LRRFIP1: variants seen among roughly 807,000 people sequenced by gnomAD.
LRRFIP1 encodes leucine-rich repeat flightless-interacting protein 1.
In LRRFIP1, 62 loss-of-function variants were observed where a neutral mutation model predicts 104.4. The ratio of observed to expected loss-of-function variants is 0.59; its 90% confidence interval spans 0.48 to 0.73. LRRFIP1 has a LOEUF of 0.73. LRRFIP1 is among the 30% of genes least tolerant of loss of function. LRRFIP1 has a pLI of 0.00. For synonymous variants in LRRFIP1, 300 were observed against 299.0 expected (o/e 1.00, Z -0.03); for missense variants, 796 against 824.5 (o/e 0.97, Z 0.42).
intron 1 of LRRFIP1, among the ~76,000 whole-genome samples, chr2:237,680,038 G>C (rs2091633299): frequency 6.6e-6 from 1 of 152,188 alleles, no homozygotes; most frequent in Non-Finnish European, 1.5e-5. Context: ...AAAATGCAGA[G>C]AGCAATACCT....
rs542201420 is a variant in LRRFIP1 at position 237,677,125 on chromosome 2, A to G, written c.97-31419A>G. The stretch of plus-strand genomic sequence containing the variant: ...ATACTCACCCTCTTGTGCAGCCAGC[A>G]CCACCAGCCATCCCCAGAACTTCTT... On this transcript the variant is annotated intron_variant, in intron 1 of 23. Transcript: ENST00000308482. Among the ~76,000 whole-genome samples, 72 of 152,360 alleles carry G rather than the reference A, an allele frequency of 4.7e-4. 1 individual carries two copies. The South Asian group carries it at 0.015, about 31-fold the overall frequency.
intron 1 of LRRFIP1, among the ~76,000 whole-genome samples, chr2:237,660,178 G>A (rs967248960): frequency 1.3e-5 from 2 of 152,280 alleles, no homozygotes; most frequent in African/African-American, 4.8e-5. Context: ...AATGATACGC[G>A]AGAAGGCAAA....
In LRRFIP1 at chr2:237,735,387, G is replaced by T; in HGVS notation, c.555+54G>T. 6.4e-7 allele frequency: 1 copy of T among 1,556,236 alleles called. No individual in the cohort carries two copies. On this transcript the variant is annotated intron_variant, in intron 10 of 23. Transcript: ENST00000308482. The surrounding 1 kb of genome is among the most constrained non-coding windows in gnomAD (Gnocchi z 4.6). ...CCCCCGTGCCTGCTGCATGGCCTGG[G>T]GATGCTCGCTGGGCAGGGTCCAGCC...
At chr2:237,763,732 T>C (rs2060086801) in intron 19 of LRRFIP1, 1 of 1,614,206 alleles carries the variant, frequency 6.2e-7, no homozygotes, top group Non-Finnish European at 8.5e-7. Flanking sequence ...TACTAGCTGA[T>C]GGAGACACAT....
intron 1 of LRRFIP1, among the ~76,000 whole-genome samples, chr2:237,667,321 C>T (rs948519500): frequency 8.5e-5 from 13 of 152,112 alleles, no homozygotes; most frequent in African/African-American, 2.7e-4. Flanking sequence ...GTTTTCTGTT[C>T]GTGTGTTAGT....
intron 8 of LRRFIP1, among the ~76,000 whole-genome samples, chr2:237,732,134 GT>G (rs1449342438): frequency 6.6e-6 from 1 of 152,102 alleles, no homozygotes; most frequent in East Asian, 1.9e-4. Context: ...CCATCTCCTA[GT>G]TTTGTCAGTT....
At chr2:237,682,287 A>G (rs1301861405) in intron 1 of LRRFIP1, among the ~76,000 whole-genome samples, 1 of 152,130 alleles carries the variant, frequency 6.6e-6, no homozygotes, top group African/African-American at 2.4e-5. Flanking sequence ...GTACTTGTTC[A>G]TGCCAGGCTC....
rs3769094 is a variant in LRRFIP1 at position 237,709,370 on chromosome 2, G to A, written c.183+740G>A. Among the ~76,000 whole-genome samples, 430 of 152,250 alleles carry A rather than the reference G, an allele frequency of 2.8e-3. 9 individuals carry two copies. The East Asian group carries it at 0.046, about 16-fold the overall frequency. On this transcript the variant is annotated intron_variant, in intron 2 of 23. Transcript: ENST00000308482. ...TGGGCCATGCCCTGTGGGGCCAAGGGACCATCCACACTGAGCCCACCCCCA... is the reference window on the plus strand; with the variant it reads ...TGGGCCATGCCCTGTGGGGCCAAGGAACCATCCACACTGAGCCCACCCCCA...
intron 15 of LRRFIP1, among the ~76,000 whole-genome samples, 187 bp downstream of exon 15, chr2:237,753,666 G>A (rs2058902554): frequency 6.6e-6 from 1 of 151,844 alleles, no homozygotes; most frequent in African/African-American, 2.4e-5. Flanking sequence ...GTGGTACATG[G>A]CTGTAGTCCC....
intron 8 of LRRFIP1, among the ~76,000 whole-genome samples, chr2:237,728,204 A>G (rs2094844508): frequency 6.6e-6 from 1 of 152,218 alleles, no homozygotes; most frequent in Non-Finnish European, 1.5e-5. Context: ...AAGATCTGAA[A>G]TTAAAGATTA....
chr2:237,635,867 T>C (rs1253484366), intron 1 of LRRFIP1, among the ~76,000 whole-genome samples: 1 of 151,970 alleles, frequency 6.6e-6, no homozygotes, highest in Non-Finnish European at 1.5e-5. Context: ...GGGAGGGCAG[T>C]GAGTGGATCA....
Position 237,631,522 on chromosome 2 carries a change from G to A in LRRFIP1, c.96+3782G>A, listed in dbSNP as rs75163701. On this transcript the variant is annotated intron_variant, in intron 1 of 23. Coordinates refer to ENST00000308482, the MANE Select transcript of LRRFIP1 (RefSeq NM_001137550.2). ...TCTCTTGTTGCAGTGGAATTCAGGC[G>A]GGATGTTATCAGGAGAAAGGTTTAG... is the stretch of plus-strand genomic sequence containing the variant. 6.0e-3 allele frequency among the ~76,000 whole-genome samples: 920 copies of A among 152,284 alleles called. 5 individuals carry two copies. The highest frequency in any genetic ancestry group is 0.018 in the African/African-American group (759 of 41,556).
chr2:237,638,294 C>T (rs780414212), intron 1 of LRRFIP1, among the ~76,000 whole-genome samples: 6 of 152,152 alleles, frequency 3.9e-5, no homozygotes, highest in Non-Finnish European at 7.3e-5. Context: ...CCCTCATATG[C>T]GCAGTTCACA....
chr2:237,659,065 G>A (rs2087358558), intron 1 of LRRFIP1, among the ~76,000 whole-genome samples: 1 of 149,930 alleles, frequency 6.7e-6, no homozygotes, highest in African/African-American at 2.5e-5. Flanking sequence ...TTTCAAACCA[G>A]TGGGAAAAGA....
At chr2:237,756,562 G>C (rs1259978471) in intron 16 of LRRFIP1, among the ~76,000 whole-genome samples, 1 of 152,198 alleles carries the variant, frequency 6.6e-6, no homozygotes, top group Non-Finnish European at 1.5e-5. Context: ...GTCACATTGG[G>C]CATTAGGGCT....
intron 1 of LRRFIP1, among the ~76,000 whole-genome samples, chr2:237,694,847 G>A (rs181281172): frequency 1.3e-5 from 2 of 152,284 alleles, no homozygotes; most frequent in East Asian, 3.9e-4. Context: ...GTTTGCGATG[G>A]CTTGTGTCAC....
At chr2:237,663,321 C>T (rs2088432613) in intron 1 of LRRFIP1, among the ~76,000 whole-genome samples, 1 of 152,178 alleles carries the variant, frequency 6.6e-6, no homozygotes, top group South Asian at 2.1e-4. Flanking sequence ...TATAGAAATC[C>T]TAACCACCAA....
At chr2:237,665,017 T>C (rs2088920449) in intron 1 of LRRFIP1, among the ~76,000 whole-genome samples, 1 of 152,262 alleles carries the variant, frequency 6.6e-6, no homozygotes, top group South Asian at 2.1e-4. Context: ...TGCACTGTGC[T>C]GACTCTGAAG....
At chr2:237,758,848 T>A (rs1559811797) in intron 18 of LRRFIP1, 27 bp downstream of exon 18, 1 of 1,481,572 alleles carries the variant, frequency 6.7e-7, no homozygotes. Flanking sequence ...CAGTTTTATT[T>A]AAAAAAAAAG....
Sources: allele counts gnomAD v4.1 joint callset (sites outside exome capture counted in the v4.1 genomes callset), GRCh38; gene constraint gnomAD v4.1.1; non-coding constraint Gnocchi (gnomAD v3.1); transcripts MANE v1.5; gene names NCBI Gene and HGNC (gene_info 2026-07-23, HGNC 2026-07-21).